The following POTEC variants were observed in gnomAD, a reference collection of about 807,000 sequenced individuals.
The protein encoded by POTEC is ANKRD26-like family B member 2.
A neutral mutation model predicts 62.0 loss-of-function variants in POTEC; 35 were observed. The ratio of observed to expected loss-of-function variants is 0.56; its 90% CI spans 0.43 to 0.75. The LOEUF (loss-of-function observed/expected upper bound fraction) is 0.75. Ranked by LOEUF, POTEC falls within the 30% of genes least tolerant of loss-of-function variation. The pLI is 0.00. For missense variants in POTEC, 472 were observed against 655.9 expected (o/e 0.72, Z 3.06); for synonymous variants, 156 against 221.5 (o/e 0.70, Z 2.62).
chr18:14,521,797 T>TA (rs1248606380), intron 9 of POTEC, among the ~76,000 whole-genome samples: 1 of 152,096 alleles, frequency 6.6e-6, no homozygotes, highest in African/African-American at 2.4e-5. Flanking sequence ...TAGTGGAAAC[T>TA]AAACAATGAG....
Position 14,511,086 on chromosome 18 carries a change from G to A in POTEC, c.*812C>T, listed in dbSNP as rs1014896386. ...GAGGTACCACTTCCACCCCTGGTCA[G>A]CTTGGGCTCTCCAAAGCCCACAGGC... On this transcript the variant is annotated 3_prime_UTR_variant, in exon 11 of 11. Transcript: ENST00000358970. 1 of 151,890 alleles carries A rather than the reference G, an allele frequency of 6.6e-6. No homozygotes were observed. Among genetic ancestry groups the A allele is most frequent in the Non-Finnish European group, 1.5e-5 (1 of 68,008 alleles). 9.4% of individuals were successfully genotyped at this position (151,890 alleles called of 1,614,324 possible).
intron 4 of POTEC, among the ~76,000 whole-genome samples, chr18:14,534,587 ATAAAG>A (rs1320735154): frequency 2.6e-5 from 4 of 151,928 alleles, no homozygotes; most frequent in Non-Finnish European, 5.9e-5. Context: ...ATACTGAGTC[ATAAAG>A]TAAACTGAAA....
chr18:14,523,973 A>AT (rs1277946473), intron 7 of POTEC, among the ~76,000 whole-genome samples: 1 of 152,186 alleles, frequency 6.6e-6, no homozygotes, highest in Non-Finnish European at 1.5e-5. Flanking sequence ...TTTTTAAAAG[A>AT]TTCCTAATTG....
chr18:14,539,313 G>A (rs1905854509), intron 1 of POTEC, among the ~76,000 whole-genome samples: 1 of 151,898 alleles, frequency 6.6e-6, no homozygotes, highest in Non-Finnish European at 1.5e-5. Context: ...AGGATGTGCA[G>A]GTTGGTTAAC....
At chr18:14,534,037 T>C (rs1282839891) in intron 4 of POTEC, among the ~76,000 whole-genome samples, 1 of 149,400 alleles carries the variant, frequency 6.7e-6, no homozygotes, top group African/African-American at 2.5e-5. Flanking sequence ...ACTCGTCATC[T>C]AGCATTAGGT....
At chr18:14,515,573 G>C (rs924477811) in intron 9 of POTEC, among the ~76,000 whole-genome samples, 1 of 151,884 alleles carries the variant, frequency 6.6e-6, no homozygotes, top group African/African-American at 2.4e-5. Context: ...CTAAACCTAA[G>C]ACCTGAAGAC....
Position 14,511,963 on chromosome 18 carries a change from G to T in POTEC, c.1564C>A (p.Leu522Ile). The T allele has an allele frequency of 6.2e-7, 1 of 1,613,676 alleles. No individual in the cohort carries two copies. Among genetic ancestry groups the T allele is most frequent in the Non-Finnish European group, 8.5e-7 (1 of 1,179,766 alleles). Residue 522 changes from leucine (L) to isoleucine (I), a missense_variant, in exon 11 of 11, where the codon CTC becomes ATC. By Grantham distance (5) the Leu-to-Ile change is conservative. This residue lies in a region of POTEC where 67 missense variants were observed against 58.3 expected (regional missense o/e 1.15). Coordinates refer to ENST00000358970, the MANE Select transcript of POTEC (RefSeq NM_001137671.2). ...TGCAACATGCTGTTTTCACGCAAGA[G>T]ATCTTCTTCTTTCTTATGACTAAGA... ...LSLSHKKEED[L>I]LRENSMLQEE...
At position 14,543,392 on chromosome 18, in the gene POTEC, C is replaced by G. The variant is rs544728480; in HGVS notation, c.-246G>C. 25 of 648,190 alleles carry G rather than the reference C, an allele frequency of 3.9e-5. No individual in the cohort carries two copies. Among genetic ancestry groups the G allele is most frequent in the East Asian group, 2.3e-4 (8 of 35,414 alleles). The allele number at this position is 648,190 out of a possible 1,614,324, so 40.2% of individuals were successfully genotyped here. ...CCCACCCCAGGAAAGGCCAAGCCCC[C>G]CCTCCCAAGGAAACACCCAGCCCAG... On this transcript the variant is annotated 5_prime_UTR_variant, in exon 1 of 11. Coordinates refer to ENST00000358970, the MANE Select transcript of POTEC (RefSeq NM_001137671.2).
intron 9 of POTEC, among the ~76,000 whole-genome samples, chr18:14,516,125 T>C (rs375818233): frequency 1.4e-4 from 21 of 150,138 alleles, no homozygotes; most frequent in Non-Finnish European, 1.2e-4. Flanking sequence ...TCTGTTAAAG[T>C]AGATCTTACC....
At chr18:14,542,192 G>C (rs1223210759) in intron 1 of POTEC, among the ~76,000 whole-genome samples, 3 of 152,232 alleles carry the variant, frequency 2.0e-5, no homozygotes, top group South Asian at 4.1e-4. Context: ...ACTCAGTAAA[G>C]AACGTATTTA....
intron 10 of POTEC, 39 bp from the exon 11 acceptor site, chr18:14,512,032 G>A (rs761907748): frequency 2.1e-6 from 3 of 1,426,660 alleles, no homozygotes; most frequent in South Asian, 1.2e-5. Context: ...GCACTCAATA[G>A]AATGACATAT....
chr18:14,543,177 T>C lies in POTEC; in HGVS notation c.-31A>G, dbSNP rs760238383. The C allele has an allele frequency of 3.1e-6, 5 of 1,613,394 alleles. No individual in the cohort carries two copies. Among genetic ancestry groups the C allele is most frequent in the African/African-American group, 2.7e-5 (2 of 74,858 alleles). On this transcript the variant is annotated 5_prime_UTR_variant, in exon 1 of 11. Transcript: ENST00000358970. ...TTTAACAGCCCGGGGAGGCCGGTAGTAGCGAACAGATCGCGTCTACCAACC... is the reference window on the plus strand; with the variant it reads ...TTTAACAGCCCGGGGAGGCCGGTAGCAGCGAACAGATCGCGTCTACCAACC...
intron 7 of POTEC, among the ~76,000 whole-genome samples, chr18:14,524,672 T>C (rs1359015951): frequency 4.6e-5 from 7 of 152,066 alleles, no homozygotes; most frequent in Admixed American, 6.6e-5. Context: ...TTAAATTTTA[T>C]AGTGGTTATG....
intron 9 of POTEC, among the ~76,000 whole-genome samples, chr18:14,515,161 C>T (rs1363387277): frequency 6.6e-6 from 1 of 152,058 alleles, no homozygotes; most frequent in Admixed American, 6.6e-5. Flanking sequence ...ACAGTTTCTA[C>T]CAAAGTACCA....
In POTEC at chr18:14,542,865, G is replaced by C; in HGVS notation, c.282C>G (p.Leu94=). ...GDHDNSFMKT[L]RSKMGKWCCH... Reference sequence around the variant, plus strand: ...AGCACCACTTGCCCATCTTGCTCCTGAGCGTCTTCATAAAGGAGTTGTCAT... The same window carrying C: ...AGCACCACTTGCCCATCTTGCTCCTCAGCGTCTTCATAAAGGAGTTGTCAT... Residue 94 remains leucine, a synonymous_variant, in exon 1 of 11, where the codon CTC becomes CTG. Coordinates refer to ENST00000358970, the MANE Select transcript of POTEC (RefSeq NM_001137671.2). 1 of 1,309,250 alleles carries C rather than the reference G, an allele frequency of 7.6e-7. No individual in the cohort carries two copies. Among genetic ancestry groups the C allele is most frequent in the Non-Finnish European group, 1.1e-6 (1 of 938,714 alleles). The allele number at this position is 1,309,250 out of a possible 1,614,324, so 81.1% of individuals were successfully genotyped here.
chr18:14,519,462 A>G (rs2143121594), intron 9 of POTEC, among the ~76,000 whole-genome samples: 1 of 152,270 alleles, frequency 6.6e-6, no homozygotes, highest in South Asian at 2.1e-4. Context: ...CACACCTGTA[A>G]TCCCAACACT....
rs751237496 is a variant in POTEC, at chr18:14,537,797, A to C, written c.810+4T>G. 1.2e-6 allele frequency: 2 copies of C among 1,610,626 alleles called. No homozygotes were observed. The highest frequency in any genetic ancestry group is 1.7e-6 in the Non-Finnish European group (2 of 1,179,038). ...TTTTGAAGATAAAATTGGTAGATCT[A>C]TACCTTGTTTTTTGATTCAATATCA... On this transcript the variant is annotated splice_donor_region_variant and intron_variant, in intron 3 of 10. Transcript: ENST00000358970.
intron 6 of POTEC, chr18:14,527,773 A>G (rs1274032221): frequency 6.6e-6 from 1 of 152,114 alleles, no homozygotes; most frequent in Non-Finnish European, 1.5e-5. Flanking sequence ...AAACAAATGA[A>G]AAAAGCATAA....
At chr18:14,533,386 G>A (rs1905595167) in intron 4 of POTEC, among the ~76,000 whole-genome samples, 188 bp from the exon 5 acceptor site, 1 of 152,086 alleles carries the variant, frequency 6.6e-6, no homozygotes, top group African/African-American at 2.4e-5. Flanking sequence ...AAGGTTAAAA[G>A]GAAGGGACAA....
Sources: allele counts gnomAD v4.1 joint callset (sites outside exome capture counted in the v4.1 genomes callset), GRCh38; gene constraint gnomAD v4.1.1; regional missense constraint gnomAD v4.1.1; transcripts MANE v1.5; gene names NCBI Gene and HGNC (gene_info 2026-07-23, HGNC 2026-07-21).